Variants in IGFBP5 observed in about 807,000 individuals in gnomAD.
IGFBP5 encodes the protein insulin like growth factor binding protein 5.
A neutral mutation model predicts 28.0 loss-of-function variants in IGFBP5; 12 were observed. That is an observed-to-expected ratio of 0.43 (90% CI 0.27 to 0.69). The LOEUF (loss-of-function observed/expected upper bound fraction) is 0.69, where lower values mean the gene tolerates loss of function less well. IGFBP5 is among the 30% of genes least tolerant of loss of function. The pLI is 0.20. For synonymous variants in IGFBP5, 152 were observed against 150.2 expected (o/e 1.01, Z -0.09); for missense variants, 344 against 381.6 (o/e 0.90, Z 0.82).
rs377470775 is a variant in IGFBP5 at position 216,676,738 on chromosome 2, G to T, written c.*13C>A. ...GGTGGGAGGGGGTGAGGGAAAGGTTGGGGGGGGACGCATCACTCAACGTTG... is the reference window on the plus strand; with the variant it reads ...GGTGGGAGGGGGTGAGGGAAAGGTTTGGGGGGGACGCATCACTCAACGTTG... On this transcript the variant is annotated 3_prime_UTR_variant, in exon 4 of 4. Transcript: ENST00000233813. The T allele has an allele frequency of 2.5e-6, 4 of 1,590,474 alleles. No individual in the cohort carries two copies. The highest frequency in any genetic ancestry group is 1.7e-5 in the Admixed American group (1 of 59,110).
intron 1 of IGFBP5, among the ~76,000 whole-genome samples, chr2:216,682,965 C>A (rs923293845): frequency 6.6e-6 from 1 of 152,108 alleles, no homozygotes; most frequent in Non-Finnish European, 1.5e-5. Flanking sequence ...GCCTTGGCCT[C>A]CCAAAGAGCT....
At chr2:216,680,975 ATTAG>A (rs1688971690) in intron 1 of IGFBP5, among the ~76,000 whole-genome samples, 1 of 152,112 alleles carries the variant, frequency 6.6e-6, no homozygotes, top group Admixed American at 6.5e-5. Flanking sequence ...GATTCTAGGG[ATTAG>A]TTAAAAGGGT....
At position 216,694,730 on chromosome 2, in the gene IGFBP5, C is replaced by T; in HGVS notation, c.46G>A (p.Gly16Arg). The T allele has an allele frequency of 6.9e-7, 1 of 1,453,394 alleles. No homozygotes were observed. Among genetic ancestry groups the T allele is most frequent in the Non-Finnish European group, 9.0e-7 (1 of 1,107,438 alleles). 90.0% of individuals were successfully genotyped at this position (1,453,394 alleles called of 1,614,324 possible). ...AAGGAGCCCAGGCTCTGGGCCGGCC[C>T]CGCATAGGCGGCCAGCAGCAGGAGG... ...AVLLLLAAYA[G>R]PAQSLGSFVH... Residue 16 changes from glycine (G) to arginine (R), a missense_variant, in exon 1 of 4, where the codon GGG becomes AGG. Physicochemically the swap from Gly to Arg is moderately radical, Grantham distance 125. Around this residue, in one of 3 missense-constraint regions of IGFBP5, gnomAD observed 304 missense variants for 329.2 expected, o/e 0.92. Coordinates refer to ENST00000233813, the MANE Select transcript of IGFBP5 (RefSeq NM_000599.4). The surrounding 1 kb of genome is among the most constrained non-coding windows in gnomAD (Gnocchi z 5.2).
At chr2:216,685,193 A>G (rs1229538324) in intron 1 of IGFBP5, among the ~76,000 whole-genome samples, 2 of 151,982 alleles carry the variant, frequency 1.3e-5, no homozygotes, top group Non-Finnish European at 2.9e-5. Flanking sequence ...AGGCAGGAGA[A>G]TCACTTGAAC....
Position 216,678,853 on chromosome 2 carries a change from C to T in IGFBP5, c.564G>A (p.Glu188=), listed in dbSNP as rs1170400533. The T allele has an allele frequency of 6.2e-7, 1 of 1,612,666 alleles. No individual in the cohort carries two copies. The highest frequency in any genetic ancestry group is 1.1e-5 in the South Asian group (1 of 91,020). Residue 188 remains glutamate (E), a synonymous_variant, in exon 2 of 4, where the codon GAG becomes GAA. Coordinates refer to ENST00000233813, the MANE Select transcript of IGFBP5 (RefSeq NM_000599.4). ...ISAPEMRQES[E]QGPCRRHMEA... ...TGAGGGAATCCCCGAGATGCACCTG[C>T]TCAGACTCCTGTCTCATCTCAGGTG... is the stretch of plus-strand genomic sequence containing the variant.
intron 1 of IGFBP5, among the ~76,000 whole-genome samples, chr2:216,689,437 C>T (rs781019561): frequency 2.6e-5 from 4 of 152,210 alleles, no homozygotes; most frequent in Non-Finnish European, 5.9e-5. Flanking sequence ...AGAGTGTGGC[C>T]CTCTCCACTT....
At position 216,673,283 on chromosome 2, in the gene IGFBP5, G is replaced by A. The variant is rs1688856957; in HGVS notation, c.*3468C>T. The A allele has an allele frequency of 6.5e-6, 1 of 152,762 alleles. No homozygotes were observed. The highest frequency in any genetic ancestry group is 1.5e-5 in the Non-Finnish European group (1 of 68,378). The allele number at this position is 152,762 out of a possible 1,614,324, so 9.5% of individuals were successfully genotyped here. A position where few individuals can be genotyped will look rare whatever the true frequency, so the allele number is the denominator to read the frequency against. On this transcript the variant is annotated 3_prime_UTR_variant, in exon 4 of 4. Transcript: ENST00000233813. This position sits in a 1 kb window ranked among gnomAD's most constrained non-coding sequence, Gnocchi z 4.3. ...AGGTGGTGGTGGGGAGATGGGGTGG[G>A]AGAGAAGGGGCATGATCAGAAAAGG...
chr2:216,681,027 G>A (rs928021233), intron 1 of IGFBP5, among the ~76,000 whole-genome samples: 15 of 152,122 alleles, frequency 9.9e-5, no homozygotes, highest in Non-Finnish European at 1.8e-4. Flanking sequence ...TGGTTGTAGC[G>A]CAAGTGAGAT....
chr2:216,683,585 T>A (rs1315822342), intron 1 of IGFBP5, among the ~76,000 whole-genome samples: 3 of 152,180 alleles, frequency 2.0e-5, no homozygotes, highest in Admixed American at 6.5e-5. Flanking sequence ...CATGGCATTC[T>A]GCTGTTTCTG....
chr2:216,686,741 A>G (rs1354472617), intron 1 of IGFBP5, among the ~76,000 whole-genome samples: 4 of 135,108 alleles, frequency 3.0e-5, no homozygotes, highest in Non-Finnish European at 6.1e-5. Flanking sequence ...ATCTTGGCTC[A>G]CTGCAACCCT....
rs1326410516 is a variant in IGFBP5 at position 216,679,455 on chromosome 2, T to TG, written c.338-377dup. Among the ~76,000 whole-genome samples the TG allele has an allele frequency of 6.6e-6, 1 of 151,874 alleles. No individual in the cohort carries two copies. Among genetic ancestry groups the TG allele is most frequent in the African/African-American group, 2.4e-5 (1 of 41,314 alleles). ...AGGTGGCAGCGAGCGGTTTGCTTGC[T>TG]GGGGGATGGCCAAGTAGATGGGACA... On this transcript the variant is annotated intron_variant, in intron 1 of 3. Transcript: ENST00000233813. This position sits in a 1 kb window ranked among gnomAD's most constrained non-coding sequence, Gnocchi z 4.6.
rs1200771131 is a variant in IGFBP5 at position 216,672,940 on chromosome 2, G to C, written c.*3811C>G. On this transcript the variant is annotated 3_prime_UTR_variant, in exon 4 of 4. Coordinates refer to ENST00000233813, the MANE Select transcript of IGFBP5 (RefSeq NM_000599.4). Reference sequence around the variant, plus strand: ...AAAACACAGACAGTACAAGGCCCAGGTTGCTGGCTGGTGAAACCCCTGTCC... The same window carrying C: ...AAAACACAGACAGTACAAGGCCCAGCTTGCTGGCTGGTGAAACCCCTGTCC... 1 of 152,686 alleles carries C rather than the reference G, an allele frequency of 6.5e-6. No homozygotes were observed. The allele number at this position is 152,686 out of a possible 1,614,324, so 9.5% of individuals were successfully genotyped here. A position where few individuals can be genotyped will look rare whatever the true frequency, so the allele number is the denominator to read the frequency against.
chr2:216,694,730 C>G lies in IGFBP5; in HGVS notation c.46G>C (p.Gly16Arg), dbSNP rs763488205. 2 of 1,453,276 alleles carry G rather than the reference C, an allele frequency of 1.4e-6. No individual in the cohort carries two copies. The highest frequency in any genetic ancestry group is 1.5e-5 in the African/African-American group (1 of 67,376). 90.0% of individuals were successfully genotyped at this position (1,453,276 alleles called of 1,614,324 possible). ...AVLLLLAAYAGPAQSLGSFVH... is the reference protein window; with the variant it reads ...AVLLLLAAYARPAQSLGSFVH... The stretch of plus-strand genomic sequence containing the variant: ...AAGGAGCCCAGGCTCTGGGCCGGCC[C>G]CGCATAGGCGGCCAGCAGCAGGAGG... Residue 16 changes from glycine to arginine, a missense_variant, in exon 1 of 4, where the codon GGG becomes CGG. Around this residue, in one of 3 missense-constraint regions of IGFBP5, gnomAD observed 304 missense variants for 329.2 expected, o/e 0.92. Transcript: ENST00000233813. This position sits in a 1 kb window ranked among gnomAD's most constrained non-coding sequence, Gnocchi z 5.2.
chr2:216,672,864 AT>A lies in IGFBP5; in HGVS notation c.*3886del, dbSNP rs758151423. ...AATAGAAACAAAAGCCTAAGAGAAA[AT>A]AAAAAGTGGAGAAACAGTGCAATGT... is the stretch of plus-strand genomic sequence containing the variant. On this transcript the variant is annotated 3_prime_UTR_variant, in exon 4 of 4. Coordinates refer to ENST00000233813, the MANE Select transcript of IGFBP5 (RefSeq NM_000599.4). 2.8e-4 allele frequency: 43 copies of A among 152,818 alleles called. No individual in the cohort carries two copies. Among genetic ancestry groups the A allele is most frequent in the Admixed American group, 1.2e-3 (18 of 15,308 alleles). The allele number at this position is 152,818 out of a possible 1,614,324, so 9.5% of individuals were successfully genotyped here.
chr2:216,679,070 G>A lies in IGFBP5; in HGVS notation c.347C>T (p.Ser116Phe). 6.2e-7 allele frequency: 1 copy of A among 1,614,090 alleles called. No individual in the cohort carries two copies. Among genetic ancestry groups the A allele is most frequent in the Non-Finnish European group, 8.5e-7 (1 of 1,179,954 alleles). ...GGTGGTGGGCTCCTCGTGCTCACGG[G>A]AGTCTCTCTCTGCAGGAGAAGGAGC... ...YREQVKIERD[S>F]REHEEPTTSE... Residue 116 changes from serine to phenylalanine, a missense_variant, in exon 2 of 4, where the codon TCC becomes TTC. Coordinates refer to ENST00000233813, the MANE Select transcript of IGFBP5 (RefSeq NM_000599.4). The surrounding 1 kb of genome is among the most constrained non-coding windows in gnomAD (Gnocchi z 4.6).
chr2:216,679,025 G>C lies in IGFBP5; in HGVS notation c.392C>G (p.Thr131Ser). Reference protein sequence around the residue: ...EPTTSEMAEETYSPKIFRPKH... With the variant: ...EPTTSEMAEESYSPKIFRPKH... ...GGGCCGGAAGATCTTGGGGGAGTAG[G>C]TCTCCTCGGCCATCTCAGAGGTGGT... is the stretch of plus-strand genomic sequence containing the variant. The change falls in exon 2 of 4, where the codon ACC (threonine) becomes AGC (serine). Residue 131 changes from threonine to serine, a missense_variant. Around this residue, in one of 3 missense-constraint regions of IGFBP5, gnomAD observed 304 missense variants for 329.2 expected, o/e 0.92. Transcript: ENST00000233813. This position sits in a 1 kb window ranked among gnomAD's most constrained non-coding sequence, Gnocchi z 4.6. 1 of 1,614,150 alleles carries C rather than the reference G, an allele frequency of 6.2e-7. No homozygotes were observed. The highest frequency in any genetic ancestry group is 8.5e-7 in the Non-Finnish European group (1 of 1,180,028).
Position 216,678,154 on chromosome 2 carries a change from GTAC to G in IGFBP5, c.642_644del (p.Tyr215del). The G allele has an allele frequency of 6.3e-7, 1 of 1,589,008 alleles. No individual in the cohort carries two copies. Among genetic ancestry groups the G allele is most frequent in the Non-Finnish European group, 8.6e-7 (1 of 1,164,502 alleles). ...ATCCTTTGCGGTCACAATTGGGCAG[GTAC>G]ACAGCACGGGGCACCATGCGTGGGC... On this transcript the variant is annotated inframe_deletion, in exon 3 of 4. Transcript: ENST00000233813.
At chr2:216,687,611 C>T (rs1689045927) in intron 1 of IGFBP5, among the ~76,000 whole-genome samples, 1 of 152,188 alleles carries the variant, frequency 6.6e-6, no homozygotes, top group Non-Finnish European at 1.5e-5. Context: ...GAATCTCCAG[C>T]CAAGCTTCTT....
At chr2:216,681,357 C>T (rs13409703) in intron 1 of IGFBP5, among the ~76,000 whole-genome samples, 144 of 152,190 alleles carry the variant, frequency 9.5e-4, no homozygotes, top group African/African-American at 3.3e-3. Context: ...AAGCCTGGAC[C>T]CCTTCCTCAA....
Sources: allele counts gnomAD v4.1 joint callset (sites outside exome capture counted in the v4.1 genomes callset), GRCh38; gene constraint gnomAD v4.1.1; regional missense constraint gnomAD v4.1.1; non-coding constraint Gnocchi (gnomAD v3.1); transcripts MANE v1.5; gene names NCBI Gene and HGNC (gene_info 2026-07-23, HGNC 2026-07-21).